The following OPCML variants were observed in gnomAD, a reference collection of about 807,000 sequenced individuals.
OPCML encodes opioid binding protein/cell adhesion molecule like.
Under a neutral mutation model 37.8 loss-of-function variants are expected in OPCML, and 13 were observed. That is an observed-to-expected ratio of 0.34 (90% CI 0.22 to 0.55). The LOEUF is 0.55. Among genes scored for constraint, OPCML ranks in the 20% least tolerant of loss-of-function variants. The probability of loss-of-function intolerance (pLI) is 0.91; values close to 1 mark genes in which losing one functional copy is unlikely to be tolerated. For missense variants in OPCML, 341 were observed against 435.6 expected, an observed-to-expected ratio of 0.78 and a Z score of 1.93; for synonymous variants, 176 against 168.8, an observed-to-expected ratio of 1.04 and a Z score of -0.33.
chr11:133,439,446 G>A (rs1313963321), intron 1 of OPCML: 2 of 984,620 alleles, frequency 2.0e-6, no homozygotes, highest in African/African-American at 3.5e-5. Flanking sequence ...ACTCTTTTTT[G>A]TTTTTTTGTT....
At chr11:132,671,010 G>C (rs1942452853) in intron 2 of OPCML, among the ~76,000 whole-genome samples, 2 of 152,110 alleles carry the variant, frequency 1.3e-5, no homozygotes, top group Admixed American at 1.3e-4. Context: ...GGTGACTGTG[G>C]CTTAATGGCC....
chr11:133,413,633 C>T (rs182649277), intron 1 of OPCML, among the ~76,000 whole-genome samples: 33 of 152,274 alleles, frequency 2.2e-4, no homozygotes, highest in African/African-American at 7.5e-4. Flanking sequence ...TCATGAGGTT[C>T]GCTTCAGCTG....
chr11:133,201,980 CCAAA>C lies in OPCML; in HGVS notation c.62-258974_62-258971del, dbSNP rs552965886. 9.2e-5 allele frequency among the ~76,000 whole-genome samples: 14 copies of C among 152,268 alleles called. No homozygotes were observed. In the South Asian group the frequency reaches 2.1e-3, roughly 23 times the overall value. On this transcript the variant is annotated intron_variant, in intron 1 of 7. Transcript: ENST00000524381. ...CAACGTGCTGAGAAATTAGCTGTCA[CCAAA>C]CAAAGCCTCCAAGCCTTAATGGAGC...
At position 132,628,841 on chromosome 11, in the gene OPCML, G is replaced by A. The variant is rs12577199; in HGVS notation, c.379+28246C>T. ...TGCTGGTTTTATAAGCAGCTTTTCCGTCTTTGCTTGGCACTTCTTGCTGCT... is the reference window on the plus strand; with the variant it reads ...TGCTGGTTTTATAAGCAGCTTTTCCATCTTTGCTTGGCACTTCTTGCTGCT... On this transcript the variant is annotated intron_variant, in intron 3 of 7. Transcript: ENST00000524381. 8.6e-4 allele frequency among the ~76,000 whole-genome samples: 131 copies of A among 152,150 alleles called. No homozygotes were observed. In the East Asian group the frequency reaches 0.023, roughly 27 times the overall value.
intron 1 of OPCML, among the ~76,000 whole-genome samples, chr11:133,262,888 C>A (rs887891007): frequency 1.2e-4 from 18 of 151,878 alleles, no homozygotes; most frequent in African/African-American, 4.4e-4. Flanking sequence ...ACTCTACTAC[C>A]AGTGGGGTGC....
At chr11:132,824,233 A>G (rs1940162743) in intron 2 of OPCML, among the ~76,000 whole-genome samples, 1 of 152,200 alleles carries the variant, frequency 6.6e-6, no homozygotes, top group Non-Finnish European at 1.5e-5. Context: ...CTCTCACTGA[A>G]TGCAACTGCC....
intron 2 of OPCML, among the ~76,000 whole-genome samples, chr11:132,911,219 C>A (rs747605555): frequency 6.6e-6 from 1 of 152,182 alleles, no homozygotes; most frequent in South Asian, 2.1e-4. Context: ...GTCAACTTTG[C>A]GAAGAATTTC....
At chr11:133,527,603 G>A (rs891020764) in intron 1 of OPCML, among the ~76,000 whole-genome samples, 3 of 152,092 alleles carry the variant, frequency 2.0e-5, no homozygotes, top group East Asian at 1.9e-4. Flanking sequence ...TCCAACATGC[G>A]AGTTGCCTTC....
intron 1 of OPCML, among the ~76,000 whole-genome samples, chr11:133,386,737 AC>A (rs905183117): frequency 2.0e-5 from 3 of 152,066 alleles, no homozygotes; most frequent in Admixed American, 2.0e-4. Context: ...GTTAGTACGC[AC>A]CCCACCTTTC....
chr11:132,999,150 A>G (rs749321437), intron 1 of OPCML, among the ~76,000 whole-genome samples: 29 of 152,146 alleles, frequency 1.9e-4, no homozygotes, highest in Non-Finnish European at 3.8e-4. Flanking sequence ...GTCCTGCCCT[A>G]TCTGGCAGGA....
At chr11:132,657,451 A>C in intron 2 of OPCML, 132 bp from the exon 3 acceptor site, 6 of 1,434,134 alleles carry the variant, frequency 4.2e-6, no homozygotes, top group Non-Finnish European at 5.5e-6. Context: ...GCTAAAAGGA[A>C]ACAATTATTG....
chr11:132,846,857 C>T (rs1941562654), intron 2 of OPCML, among the ~76,000 whole-genome samples: 1 of 152,186 alleles, frequency 6.6e-6, no homozygotes, highest in Non-Finnish European at 1.5e-5. Flanking sequence ...TAACCACTCA[C>T]TTAGCTTCTA....
chr11:133,281,753 G>A (rs1036491046), intron 1 of OPCML, among the ~76,000 whole-genome samples: 14 of 151,998 alleles, frequency 9.2e-5, no homozygotes, highest in Middle Eastern at 6.4e-3. Context: ...CCAAAATGCC[G>A]GTAGAAATAT....
At chr11:133,516,727 C>T (rs1219524149) in intron 1 of OPCML, among the ~76,000 whole-genome samples, 2 of 152,118 alleles carry the variant, frequency 1.3e-5, no homozygotes, top group Non-Finnish European at 2.9e-5. Context: ...GGCGGAGAAC[C>T]CTGGAGATGG....
intron 2 of OPCML, among the ~76,000 whole-genome samples, chr11:132,886,828 C>T (rs943060121): frequency 2.0e-5 from 3 of 152,156 alleles, no homozygotes; most frequent in Non-Finnish European, 4.4e-5. Flanking sequence ...GTGCCCCTGC[C>T]TCTGTCCTCT....
chr11:133,259,703 A>C (rs1941428519), intron 1 of OPCML, among the ~76,000 whole-genome samples: 1 of 152,252 alleles, frequency 6.6e-6, no homozygotes, highest in Non-Finnish European at 1.5e-5. Flanking sequence ...TACAGTAAAA[A>C]ATAGAATGTT....
intron 1 of OPCML, among the ~76,000 whole-genome samples, chr11:133,202,226 A>G (rs1365572736): frequency 1.3e-5 from 2 of 152,160 alleles, no homozygotes; most frequent in Non-Finnish European, 2.9e-5. Context: ...GGCTGAAGCC[A>G]TCCTTCCCTC....
At position 132,767,981 on chromosome 11, in the gene OPCML, TG is replaced by T. The variant is rs1311049847; in HGVS notation, c.147-110663del. ...TCAAAGTAGAAATCAAGAGTGATAC[TG>T]TCAGAATATTGTCTATTCAAGGAGA... On this transcript the variant is annotated intron_variant, in intron 2 of 7. Transcript: ENST00000524381. Among the ~76,000 whole-genome samples, 5 of 152,158 alleles carry T rather than the reference TG, an allele frequency of 3.3e-5. No individual in the cohort carries two copies. In the East Asian group the frequency reaches 9.6e-4, roughly 29 times the overall value.
intron 4 of OPCML, among the ~76,000 whole-genome samples, chr11:132,479,551 T>C (rs1419158654): frequency 6.6e-6 from 1 of 152,208 alleles, no homozygotes; most frequent in Non-Finnish European, 1.5e-5. Context: ...CCTGCCTCTG[T>C]AGGCTCCACC....
Sources: allele counts gnomAD v4.1 joint callset (sites outside exome capture counted in the v4.1 genomes callset), GRCh38; gene constraint gnomAD v4.1.1; transcripts MANE v1.5; gene names NCBI Gene and HGNC (gene_info 2026-07-23, HGNC 2026-07-21).